MMP19: variants seen among roughly 807,000 people sequenced by gnomAD.
The protein encoded by MMP19 is matrix metalloproteinase-19.
A neutral mutation model predicts 46.6 loss-of-function variants in MMP19; 47 were observed. The observed-to-expected ratio is 1.01, with a 90% CI of 0.80 to 1.29. The LOEUF is 1.29. Ranked by LOEUF, MMP19 falls within the 50% of genes most tolerant of loss-of-function variation. The pLI, the probability that MMP19 is intolerant of heterozygous loss-of-function variation, is 0.00. For synonymous variants in MMP19, 222 were observed against 248.5 expected (o/e 0.89, Z 1.00); for missense variants, 589 against 643.5 (o/e 0.92, Z 0.92).
chr12:55,837,740 C>A, intron 7 of MMP19, 58 bp from the exon 8 acceptor site: 1 of 1,608,240 alleles, frequency 6.2e-7, no homozygotes, highest in African/African-American at 1.3e-5. Context: ...AGCTTTTGGT[C>A]TCCTCCGGTC....
chr12:55,839,622 C>G lies in MMP19; in HGVS notation c.640G>C (p.Val214Leu), dbSNP rs370689947. Residue 214 changes from valine to leucine, a missense_variant, in exon 5 of 9, where the codon GTG becomes CTG. Val to Leu is a conservative substitution (Grantham distance 32). Transcript: ENST00000322569. ...TGCCCAAGCCCCAGAGCATGGCCCA[C>G]TTCATGGGCTGCAATGATGCGCAGG... The part of the protein sequence containing the change: ...VNLRIIAAHE[V>L]GHALGLGHSR... The G allele has an allele frequency of 1.9e-6, 3 of 1,614,242 alleles. No individual in the cohort carries two copies. The East Asian group carries it at 6.7e-5, about 36-fold the overall frequency.
At chr12:55,840,638 TGAG>T (rs1427639531) in intron 4 of MMP19, 26 bp downstream of exon 4, 1 of 1,597,446 alleles carries the variant, frequency 6.3e-7, no homozygotes, top group Admixed American at 1.7e-5. Flanking sequence ...CAGAGGTCTA[TGAG>T]GTGGGAACTG....
In MMP19 at chr12:55,837,299, A is replaced by G. The variant is rs771776856; in HGVS notation, c.1264T>C (p.Phe422Leu). 11 of 1,613,962 alleles carry G rather than the reference A, an allele frequency of 6.8e-6. No individual in the cohort carries two copies. The South Asian group carries it at 1.2e-4, about 18-fold the overall frequency. Residue 422 changes from phenylalanine (F) to leucine (L), a missense_variant, in exon 9 of 9, where the codon TTT becomes CTT. Transcript: ENST00000322569. ...GAGGGCTGGTTTGGCACTCCCGTAA[A>G]CAAACCCTTGATTGGTTTGGGGTAG... The part of the protein sequence containing the change: ...SSYPKPIKGL[F>L]TGVPNQPSAA...
At position 55,841,196 on chromosome 12, in the gene MMP19, G is replaced by A. The variant is rs1341635779; in HGVS notation, c.214C>T (p.Leu72=). 6.2e-6 allele frequency: 10 copies of A among 1,613,860 alleles called. No homozygotes were observed. Among genetic ancestry groups the A allele is most frequent in the Non-Finnish European group, 8.5e-6 (10 of 1,179,974 alleles). ...EASELPVSGQ[L]DDATRARMRQ... ...ATGCGGGCCCTTGTGGCATCATCCA[G>A]CTGACCTGAGACTGGAAGTTCAGAT... The change falls in exon 3 of 9, where the codon CTG becomes TTG. Residue 72 remains leucine, a synonymous_variant. Coordinates refer to ENST00000322569, the MANE Select transcript of MMP19 (RefSeq NM_002429.6).
Position 55,836,824 on chromosome 12 carries a change from A to C in MMP19, c.*212T>G. On this transcript the variant is annotated 3_prime_UTR_variant, in exon 9 of 9. Coordinates refer to ENST00000322569, the MANE Select transcript of MMP19 (RefSeq NM_002429.6). ...CTGAGTTAGGGGAGCACTTCTCAGG[A>C]GTGAAAATGCACAGGAAAGTGGTGG... 2 of 494,386 alleles carry C rather than the reference A, an allele frequency of 4.0e-6. No homozygotes were observed. The highest frequency in any genetic ancestry group is 7.1e-6 in the Non-Finnish European group (2 of 280,940). The allele number at this position is 494,386 out of a possible 1,614,324, so 30.6% of individuals were successfully genotyped here.
chr12:55,841,554 C>CCTTA, intron 2 of MMP19: 1 of 221,528 alleles, frequency 4.5e-6, no homozygotes, highest in South Asian at 9.3e-5. Flanking sequence ...TTCCTTCCTT[C>CCTTA]CTTTCTTTTT....
chr12:55,842,895 G>C lies in MMP19; in HGVS notation c.-65C>G. ...CTGACCTGAGATTTCTGGGAGCCTT[G>C]GGGGAGCAGTGCTAGGCAGAGGGGC... On this transcript the variant is annotated 5_prime_UTR_variant, in exon 1 of 9. Transcript: ENST00000322569. The C allele has an allele frequency of 2.2e-6, 3 of 1,344,154 alleles. No homozygotes were observed. Among genetic ancestry groups the C allele is most frequent in the Non-Finnish European group, 3.1e-6 (3 of 962,252 alleles). The allele number at this position is 1,344,154 out of a possible 1,614,324, so 83.3% of individuals were successfully genotyped here.
In MMP19 at chr12:55,837,602, C is replaced by G. The variant is rs145042922; in HGVS notation, c.1141G>C (p.Asp381His). ...TTGAGAGGCCAATAGAGAGCTGCAT[C>G]CAGGTTAGGTTCTACCCTATTCAGC... Reference protein sequence around the residue: ...KKLNRVEPNLDAALYWPLNQK... With the variant: ...KKLNRVEPNLHAALYWPLNQK... The change falls in exon 8 of 9, where the codon GAT (aspartate) becomes CAT (histidine). Residue 381 changes from aspartate to histidine, a missense_variant. Coordinates refer to ENST00000322569, the MANE Select transcript of MMP19 (RefSeq NM_002429.6). 9 of 1,614,052 alleles carry G rather than the reference C, an allele frequency of 5.6e-6. No individual in the cohort carries two copies. In the African/African-American group the frequency reaches 1.2e-4, roughly 22 times the overall value.
intron 2 of MMP19, among the ~76,000 whole-genome samples, chr12:55,841,680 A>C (rs542976575): frequency 5.9e-5 from 9 of 152,166 alleles, no homozygotes; most frequent in African/African-American, 2.2e-4. Flanking sequence ...GGATCTCCCA[A>C]AGTGCTGGGA....
Position 55,842,596 on chromosome 12 carries a change from C to A in MMP19, c.87+148G>T. The A allele has an allele frequency of 5.9e-6, 5 of 846,170 alleles. No homozygotes were observed. The East Asian group carries it at 1.3e-4, about 22-fold the overall frequency. The allele number at this position is 846,170 out of a possible 1,614,324, so 52.4% of individuals were successfully genotyped here. A position where few individuals can be genotyped will look rare whatever the true frequency, so the allele number is the denominator to read the frequency against. ...GGGGCTCAGGTGGAACAAGGGGAAG[C>A]AGCGGGAGATGGGCAGGGTAGACCA... On this transcript the variant is annotated intron_variant, in intron 1 of 8. Coordinates refer to ENST00000322569, the MANE Select transcript of MMP19 (RefSeq NM_002429.6).
chr12:55,839,682 C>T lies in MMP19; in HGVS notation c.580G>A (p.Glu194Lys), dbSNP rs536616162. Residue 194 changes from glutamate to lysine, a missense_variant, in exon 5 of 9, where the codon GAG becomes AAG. Coordinates refer to ENST00000322569, the MANE Select transcript of MMP19 (RefSeq NM_002429.6). Reference sequence around the variant, plus strand: ...CGGTAGGTCCCCTCAGTCCAGAACTCGTCTTCGTCGAAGTGCACACTGCCC... The same window carrying T: ...CGGTAGGTCCCCTCAGTCCAGAACTTGTCTTCGTCGAAGTGCACACTGCCC... ...ELGSVHFDEDEFWTEGTYRGV... is the reference protein window; with the variant it reads ...ELGSVHFDEDKFWTEGTYRGV... The T allele has an allele frequency of 1.5e-5, 24 of 1,614,214 alleles. No individual in the cohort carries two copies. Among genetic ancestry groups the T allele is most frequent in the Middle Eastern group, 1.6e-4 (1 of 6,062 alleles).
rs1251420105 is a variant in MMP19 at position 55,837,575 on chromosome 12, G to A, written c.1168C>T (p.Gln390Ter). Residue 390 changes from glutamine (Q) to a stop codon, truncating the protein, a stop_gained, in exon 8 of 9, where the codon CAA becomes TAA. Coordinates refer to ENST00000322569, the MANE Select transcript of MMP19 (RefSeq NM_002429.6). LOFTEE classifies it low-confidence loss of function (END_TRUNC). ...TATACCTTAAAGAGGAACACCTTTT[G>A]GTTGAGAGGCCAATAGAGAGCTGCA... is the stretch of plus-strand genomic sequence containing the variant. Reference protein sequence around the residue: ...LDAALYWPLNQKVFLFKGSGY... With the variant: ...LDAALYWPLN 3 of 1,614,086 alleles carry A rather than the reference G, an allele frequency of 1.9e-6. No individual in the cohort carries two copies. Among genetic ancestry groups the A allele is most frequent in the Non-Finnish European group, 1.7e-6 (2 of 1,180,052 alleles).
At chr12:55,839,899 G>A (rs750606189) in intron 4 of MMP19, 158 bp from the exon 5 acceptor site, 65 of 997,184 alleles carry the variant, frequency 6.5e-5, no homozygotes, top group Non-Finnish European at 8.8e-5. Flanking sequence ...AGATTCCCCT[G>A]TCATCACCCA....
In MMP19 at chr12:55,838,606, C is replaced by A; in HGVS notation, c.895G>T (p.Gly299Trp). 1.2e-6 allele frequency: 2 copies of A among 1,614,184 alleles called. No individual in the cohort carries two copies. The highest frequency in any genetic ancestry group is 1.7e-6 in the Non-Finnish European group (2 of 1,180,018). ...ACAGCCTGGAGGGGAGGGGCCTCAC[C>A]CAGCATCATGGCATCCAGTTCACTA... is the stretch of plus-strand genomic sequence containing the variant. ...CSSELDAMML[G>W]PRGKTYAFKG... Residue 299 changes from glycine to tryptophan, a missense_variant and splice_region_variant, in exon 6 of 9, where the codon GGG (glycine) becomes TGG (tryptophan). Transcript: ENST00000322569.
chr12:55,839,460 G>T, intron 5 of MMP19, 36 bp downstream of exon 5: 1 of 1,572,348 alleles, frequency 6.4e-7, no homozygotes, highest in South Asian at 1.2e-5. Context: ...GTGGGAGTCA[G>T]ACTGACCCTC....
At chr12:55,841,550 CCTTCCTTT>C (rs1310155860) in intron 2 of MMP19, 6 of 256,574 alleles carry the variant, frequency 2.3e-5, no homozygotes, top group African/African-American at 1.1e-4. Flanking sequence ...TTCCTTCCTT[CCTTCCTTT>C]CTTTTTCTTC....
chr12:55,842,094 A>G (rs997692491), intron 2 of MMP19, among the ~76,000 whole-genome samples: 1 of 152,192 alleles, frequency 6.6e-6, no homozygotes, highest in African/African-American at 2.4e-5. Context: ...CTATAACTAA[A>G]TATTAGTATT....
chr12:55,842,544 G>A (rs1165168792), intron 1 of MMP19, 106 bp from the exon 2 acceptor site: 7 of 968,064 alleles, frequency 7.2e-6, no homozygotes, highest in South Asian at 1.3e-5. Context: ...TGATATGGAA[G>A]CACTAATGGA....
At chr12:55,841,390 A>ATGAGG in intron 2 of MMP19, 154 bp from the exon 3 acceptor site, 1 of 721,390 alleles carries the variant, frequency 1.4e-6, no homozygotes, top group Non-Finnish European at 2.3e-6. Flanking sequence ...CAGTCCTCAT[A>ATGAGG]ACTGGGACTT....
Sources: allele counts gnomAD v4.1 joint callset (sites outside exome capture counted in the v4.1 genomes callset), GRCh38; gene constraint gnomAD v4.1.1; transcripts MANE v1.5; gene names NCBI Gene and HGNC (gene_info 2026-07-23, HGNC 2026-07-21).